The following LRCH1 variants were observed in gnomAD, a reference collection of about 807,000 sequenced individuals.
LRCH1 encodes leucine-rich repeat and calponin homology domain-containing protein 1.
A neutral mutation model predicts 94.9 loss-of-function variants in LRCH1; 23 were observed. That is an observed-to-expected ratio of 0.24 (90% CI 0.17 to 0.34). The LOEUF (loss-of-function observed/expected upper bound fraction) is 0.34. LRCH1 is among the 10% of genes least tolerant of loss of function. LRCH1 has a pLI of 1.00. For synonymous variants in LRCH1, 364 were observed against 354.9 expected (o/e 1.03, Z -0.29); for missense variants, 790 against 945.9 (o/e 0.84, Z 2.16).
chr13:46,605,581 T>A (rs903688353), intron 1 of LRCH1, among the ~76,000 whole-genome samples: 3 of 152,304 alleles, frequency 2.0e-5, no homozygotes, highest in East Asian at 1.9e-4. Context: ...TCTTCTTTTT[T>A]AAAAATAATC....
chr13:46,681,758 G>A lies in LRCH1; in HGVS notation c.597G>A (p.Glu199=). 1 of 1,610,832 alleles carries A rather than the reference G, an allele frequency of 6.2e-7. No individual in the cohort carries two copies. The highest frequency in any genetic ancestry group is 8.5e-7 in the Non-Finnish European group (1 of 1,176,932). Residue 199 remains glutamate (E), a synonymous_variant, in exon 4 of 20, where the codon GAG becomes GAA. Transcript: ENST00000389797. The part of the protein sequence containing the change: ...QLMELDVSCN[E]ITALPQQIGQ... ...TGATACAGGATGTCAGCTGCAACGA[G>A]ATCACAGCGTTGCCCCAGCAGATAG...
chr13:46,695,612 T>A, intron 9 of LRCH1, among the ~76,000 whole-genome samples: 1 of 152,196 alleles, frequency 6.6e-6, no homozygotes, highest in Non-Finnish European at 1.5e-5. Flanking sequence ...ACAACCCGAT[T>A]AGGTGCTTGG....
chr13:46,731,355 T>C (rs776838528), intron 18 of LRCH1, among the ~76,000 whole-genome samples: 1 of 152,036 alleles, frequency 6.6e-6, no homozygotes, highest in Non-Finnish European at 1.5e-5. Context: ...CTCAGCCTCC[T>C]GAATAGCTGG....
intron 1 of LRCH1, among the ~76,000 whole-genome samples, chr13:46,629,053 A>G (rs140931869): frequency 6.6e-6 from 1 of 152,310 alleles, no homozygotes; most frequent in African/African-American, 2.4e-5. Context: ...CCTGAACTCC[A>G]CAAATTAAAT....
At chr13:46,664,358 G>A (rs898707088) in intron 2 of LRCH1, among the ~76,000 whole-genome samples, 5 of 152,202 alleles carry the variant, frequency 3.3e-5, no homozygotes, top group South Asian at 2.1e-4. Context: ...TGACATAGGC[G>A]TTGTAGCCAC....
In LRCH1 at chr13:46,743,808, A is replaced by G. The variant is rs1873787432; in HGVS notation, c.*1960A>G. 1 of 983,828 alleles carries G rather than the reference A, an allele frequency of 1.0e-6. No individual in the cohort carries two copies. The highest frequency in any genetic ancestry group is 1.2e-6 in the Non-Finnish European group (1 of 828,456). 60.9% of individuals were successfully genotyped at this position (983,828 alleles called of 1,614,324 possible). A position where few individuals can be genotyped will look rare whatever the true frequency, so the allele number is the denominator to read the frequency against. On this transcript the variant is annotated 3_prime_UTR_variant, in exon 20 of 20. Transcript: ENST00000389797. ...TAAAAACTGAGTAGGACACTCATGT[A>G]AGAGTAGATTTAATTTTCAGTGTTG...
intron 11 of LRCH1, 73 bp downstream of exon 11, chr13:46,701,280 T>C (rs908760612): frequency 1.0e-5 from 11 of 1,102,098 alleles, no homozygotes; most frequent in Non-Finnish European, 1.5e-5. Context: ...ATTGTCTAAA[T>C]TCCTAAAATA....
chr13:46,728,894 A>C lies in LRCH1; in HGVS notation c.1917A>C (p.Ala639=). The C allele has an allele frequency of 1.2e-6, 2 of 1,613,534 alleles. No homozygotes were observed. The highest frequency in any genetic ancestry group is 2.2e-5 in the South Asian group (2 of 90,848). ...LKVSLHEDLG[A]ALMDGVVLCH... ...TCAGTCTACACGAAGACCTGGGGGCAGCCCTCATGGATGGTGTCGTCCTCT... is the reference window on the plus strand; with the variant it reads ...TCAGTCTACACGAAGACCTGGGGGCCGCCCTCATGGATGGTGTCGTCCTCT... Residue 639 remains alanine (A), a synonymous_variant, in exon 18 of 20, where the codon GCA becomes GCC. Coordinates refer to ENST00000389797, the MANE Select transcript of LRCH1 (RefSeq NM_001164211.2).
At chr13:46,750,717 C>T in exon 19 of LRCH1, 1 of 1,120,266 alleles carries the variant, frequency 8.9e-7, no homozygotes, top group South Asian at 1.4e-5. Context: ...CTGCTCCAGG[C>T]ACCTGTTCAA....
chr13:46,722,761 A>T (rs1872642076), intron 16 of LRCH1, among the ~76,000 whole-genome samples: 1 of 152,240 alleles, frequency 6.6e-6, no homozygotes, highest in African/African-American at 2.4e-5. Context: ...TTCTTAACTC[A>T]GGCTTACAAA....
intron 19 of LRCH1, among the ~76,000 whole-genome samples, chr13:46,737,235 G>T (rs1444373651): frequency 1.3e-5 from 2 of 151,674 alleles, no homozygotes; most frequent in African/African-American, 4.8e-5. Flanking sequence ...AAGGTTAGTG[G>T]GTGAGACTAT....
At chr13:46,617,446 G>A (rs888373857) in intron 1 of LRCH1, among the ~76,000 whole-genome samples, 2 of 152,162 alleles carry the variant, frequency 1.3e-5, no homozygotes, top group Admixed American at 1.3e-4. Context: ...TTTTAAGTTG[G>A]TGCCTGAGTA....
chr13:46,610,858 C>T (rs1248378753), intron 1 of LRCH1, among the ~76,000 whole-genome samples: 1 of 152,220 alleles, frequency 6.6e-6, no homozygotes. Context: ...ACCCACTACA[C>T]TGCAGGGCAT....
At chr13:46,738,674 T>A (rs772907039) in intron 19 of LRCH1, among the ~76,000 whole-genome samples, 65 of 152,356 alleles carry the variant, frequency 4.3e-4, no homozygotes, top group Non-Finnish European at 7.2e-4. Context: ...TAACACTTTG[T>A]GGAAGGATGA....
At chr13:46,750,824 C>T (rs898964396) in exon 19 of LRCH1, 12 of 497,370 alleles carry the variant, frequency 2.4e-5, no homozygotes, top group Admixed American at 2.2e-4. Flanking sequence ...CAGAGCTGAC[C>T]TCCGACTTTA....
At chr13:46,657,987 C>A (rs915770619) in intron 2 of LRCH1, among the ~76,000 whole-genome samples, 1 of 152,066 alleles carries the variant, frequency 6.6e-6, no homozygotes, top group East Asian at 1.9e-4. Context: ...AGATATATTT[C>A]TTTGACATTT....
intron 13 of LRCH1, among the ~76,000 whole-genome samples, chr13:46,709,571 T>C (rs536785388): frequency 6.6e-6 from 1 of 152,330 alleles, no homozygotes; most frequent in East Asian, 1.9e-4. Context: ...GTCTTTGAGC[T>C]TTCACTCTCA....
intron 9 of LRCH1, among the ~76,000 whole-genome samples, chr13:46,695,605 A>G (rs914883472): frequency 1.3e-5 from 2 of 152,130 alleles, no homozygotes; most frequent in Admixed American, 6.5e-5. Context: ...CTACTTCACA[A>G]CCCGATTAGG....
intron 10 of LRCH1, among the ~76,000 whole-genome samples, chr13:46,700,785 C>T (rs1871423398): frequency 6.6e-6 from 1 of 152,204 alleles, no homozygotes; most frequent in South Asian, 2.1e-4. Context: ...GTGATCCCCT[C>T]CATGCAGCCC....
Sources: allele counts gnomAD v4.1 joint callset (sites outside exome capture counted in the v4.1 genomes callset), GRCh38; gene constraint gnomAD v4.1.1; transcripts MANE v1.5; gene names NCBI Gene and HGNC (gene_info 2026-07-23, HGNC 2026-07-21).